The following APOL6 variants were observed in gnomAD, a reference collection of about 807,000 sequenced individuals.
APOL6 encodes apolipoprotein L, 6.
In APOL6, 1 loss-of-function variant was observed where a neutral mutation model predicts 2.4. The observed-to-expected ratio is 0.41, with a 90% confidence interval of 0.15 to 1.94. The LOEUF (loss-of-function observed/expected upper bound fraction) is 1.94, where lower values mean the gene tolerates loss of function less well. APOL6 is among the 30% of genes most tolerant of loss of function. The pLI, the probability that APOL6 is intolerant of heterozygous loss-of-function variation, is 0.30. For missense variants in APOL6, 438 were observed against 429.2 expected (o/e 1.02, Z -0.18); for synonymous variants, 189 against 169.3 (o/e 1.12, Z -0.90).
intron 1 of APOL6, among the ~76,000 whole-genome samples, chr22:35,652,158 G>A (rs1019728348): frequency 5.3e-5 from 8 of 152,140 alleles, no homozygotes; most frequent in African/African-American, 1.9e-4. Context: ...GTGATGATGA[G>A]CATTTTTTCA....
At position 35,659,919 on chromosome 22, in the gene APOL6, C is replaced by A; in HGVS notation, c.*323C>A. The A allele has an allele frequency of 3.8e-6, 1 of 260,480 alleles. No homozygotes were observed. Among genetic ancestry groups the A allele is most frequent in the Non-Finnish European group, 7.4e-6 (1 of 135,350 alleles). 16.1% of individuals were successfully genotyped at this position (260,480 alleles called of 1,614,324 possible). A position where few individuals can be genotyped will look rare whatever the true frequency, so the allele number is the denominator to read the frequency against. On this transcript the variant is annotated 3_prime_UTR_variant, in exon 3 of 3. Coordinates refer to ENST00000409652, the MANE Select transcript of APOL6 (RefSeq NM_030641.4). ...TAGCTGGGATTACAGGCACGCACCA[C>A]CACGCCCAGCTAATTTTGGTATTTT...
rs1484947252 is a variant in APOL6 at position 35,659,722 on chromosome 22, T to G, written c.*126T>G. On this transcript the variant is annotated 3_prime_UTR_variant, in exon 3 of 3. Transcript: ENST00000409652. Reference sequence around the variant, plus strand: ...CTTCTGTTTCTCCTTCAATGCTCCTTAAGGCCTATGTGCTGGGAAAAGGGT... The same window carrying G: ...CTTCTGTTTCTCCTTCAATGCTCCTGAAGGCCTATGTGCTGGGAAAAGGGT... 2.2e-5 allele frequency: 30 copies of G among 1,354,862 alleles called. No individual in the cohort carries two copies. Among genetic ancestry groups the G allele is most frequent in the Non-Finnish European group, 2.6e-5 (26 of 1,017,974 alleles). 83.9% of individuals were successfully genotyped at this position (1,354,862 alleles called of 1,614,324 possible).
Position 35,663,551 on chromosome 22 carries a change from C to G in APOL6, c.*3955C>G, listed in dbSNP as rs1194114669. ...TTTTTTCCTTTTACTTCTCAGTTGA[C>G]TGAATTCTGTTTTCACCGGATTTTT... On this transcript the variant is annotated 3_prime_UTR_variant, in exon 3 of 3. Coordinates refer to ENST00000409652, the MANE Select transcript of APOL6 (RefSeq NM_030641.4). 6.9e-6 allele frequency: 1 copy of G among 144,692 alleles called. No individual in the cohort carries two copies. The highest frequency in any genetic ancestry group is 7.0e-5 in the Admixed American group (1 of 14,358). 9.0% of individuals were successfully genotyped at this position (144,692 alleles called of 1,614,324 possible).
rs552576483 is a variant in APOL6, at chr22:35,649,540, G to A, written c.-48+917G>A. Among the ~76,000 whole-genome samples, 3 of 152,122 alleles carry A rather than the reference G, an allele frequency of 2.0e-5. No individual in the cohort carries two copies. The South Asian group carries it at 6.2e-4, about 32-fold the overall frequency. Reference sequence around the variant, plus strand: ...GTGTATCTGCAGAAGTTGGTTTTGTGGGGGAAGGCAGGTAAGGAAAGACTG... The same window carrying A: ...GTGTATCTGCAGAAGTTGGTTTTGTAGGGGAAGGCAGGTAAGGAAAGACTG... On this transcript the variant is annotated intron_variant, in intron 1 of 2. Coordinates refer to ENST00000409652, the MANE Select transcript of APOL6 (RefSeq NM_030641.4).
chr22:35,666,223 A>C lies in APOL6; in HGVS notation c.*6627A>C, dbSNP rs536181329. On this transcript the variant is annotated 3_prime_UTR_variant, in exon 3 of 3. Coordinates refer to ENST00000409652, the MANE Select transcript of APOL6 (RefSeq NM_030641.4). The stretch of plus-strand genomic sequence containing the variant: ...GTCTTTTGACTATGGCTGCCTTAAA[A>C]CTTTTTTCTTCCATGCACAATTGTT... 1 of 152,150 alleles carries C rather than the reference A, an allele frequency of 6.6e-6. No individual in the cohort carries two copies. The highest frequency in any genetic ancestry group is 2.4e-5 in the African/African-American group (1 of 41,514). 9.4% of individuals were successfully genotyped at this position (152,150 alleles called of 1,614,324 possible). A position where few individuals can be genotyped will look rare whatever the true frequency, so the allele number is the denominator to read the frequency against.
chr22:35,665,554 C>A lies in APOL6; in HGVS notation c.*5958C>A, dbSNP rs1318398315. ...CACTGATGCAAAATCAGTATATGGA[C>A]CCCTGTGTCTGATTAGCAAGGTTTT... On this transcript the variant is annotated 3_prime_UTR_variant, in exon 3 of 3. Transcript: ENST00000409652. 6.6e-6 allele frequency: 1 copy of A among 152,160 alleles called. No individual in the cohort carries two copies. Among genetic ancestry groups the A allele is most frequent in the Non-Finnish European group, 1.5e-5 (1 of 68,044 alleles). The allele number at this position is 152,160 out of a possible 1,614,324, so 9.4% of individuals were successfully genotyped here. A position where few individuals can be genotyped will look rare whatever the true frequency, so the allele number is the denominator to read the frequency against.
In APOL6 at chr22:35,652,355, C is replaced by T. The variant is rs371740706; in HGVS notation, c.-48+3732C>T. On this transcript the variant is annotated intron_variant, in intron 1 of 2. Coordinates refer to ENST00000409652, the MANE Select transcript of APOL6 (RefSeq NM_030641.4). ...TCTCCCATTCTGTAGGTTGCCTGTT[C>T]GCTCTGATGGTAGTTTCTTTTGCTG... 7.6e-4 allele frequency among the ~76,000 whole-genome samples: 116 copies of T among 151,734 alleles called. 1 individual carries two copies. Among genetic ancestry groups the T allele is most frequent in the African/African-American group, 2.3e-3 (94 of 41,388 alleles).
At position 35,658,731 on chromosome 22, in the gene APOL6, A is replaced by T; in HGVS notation, c.167A>T (p.Asn56Ile). 3 of 1,614,202 alleles carry T rather than the reference A, an allele frequency of 1.9e-6. No individual in the cohort carries two copies. The highest frequency in any genetic ancestry group is 2.5e-6 in the Non-Finnish European group (3 of 1,180,024). ...FPRLKEDLKGNIDKLRALADD... is the reference protein window; with the variant it reads ...FPRLKEDLKGIIDKLRALADD... ...AGATTGAAAGAAGATCTGAAAGGGA[A>T]CATTGACAAGCTCCGTGCCCTCGCA... The change falls in exon 3 of 3, where the codon AAC becomes ATC. Residue 56 changes from asparagine (N) to isoleucine (I), a missense_variant. Physicochemically the swap from Asn to Ile is moderately radical, Grantham distance 149. Transcript: ENST00000409652.
At position 35,663,880 on chromosome 22, in the gene APOL6, G is replaced by T. The variant is rs1426066748; in HGVS notation, c.*4284G>T. The T allele has an allele frequency of 6.6e-6, 1 of 152,066 alleles. No individual in the cohort carries two copies. Among genetic ancestry groups the T allele is most frequent in the East Asian group, 1.9e-4 (1 of 5,188 alleles). 9.4% of individuals were successfully genotyped at this position (152,066 alleles called of 1,614,324 possible). A position where few individuals can be genotyped will look rare whatever the true frequency, so the allele number is the denominator to read the frequency against. On this transcript the variant is annotated 3_prime_UTR_variant, in exon 3 of 3. Transcript: ENST00000409652. ...GGGGGGCATTATAAATCTATAAAAT[G>T]TACTTCTATTGGCATGCCTAATACG...
chr22:35,650,079 C>G (rs1924648646), intron 1 of APOL6, among the ~76,000 whole-genome samples: 1 of 152,190 alleles, frequency 6.6e-6, no homozygotes, highest in Admixed American at 6.5e-5. Flanking sequence ...CCCTATGTCT[C>G]AGTTTGCACC....
chr22:35,660,600 A>C lies in APOL6; in HGVS notation c.*1004A>C, dbSNP rs1924997237. On this transcript the variant is annotated 3_prime_UTR_variant, in exon 3 of 3. Transcript: ENST00000409652. ...AATACCTTAGACTGGGTAATTTACA[A>C]ACAACAGAGATGTATCCAGAGATCC... 1 of 152,280 alleles carries C rather than the reference A, an allele frequency of 6.6e-6. No homozygotes were observed. Among genetic ancestry groups the C allele is most frequent in the African/African-American group, 2.4e-5 (1 of 41,464 alleles). The allele number at this position is 152,280 out of a possible 1,614,324, so 9.4% of individuals were successfully genotyped here.
rs999544469 is a variant in APOL6 at position 35,662,942 on chromosome 22, CTCTT to C, written c.*3348_*3351del. 8 of 152,242 alleles carry C rather than the reference CTCTT, an allele frequency of 5.3e-5. No homozygotes were observed. Among genetic ancestry groups the C allele is most frequent in the Non-Finnish European group, 1.0e-4 (7 of 68,030 alleles). 9.4% of individuals were successfully genotyped at this position (152,242 alleles called of 1,614,324 possible). On this transcript the variant is annotated 3_prime_UTR_variant, in exon 3 of 3. Transcript: ENST00000409652. ...GGAAGTTTATTTTGCTGTACAACAC[CTCTT>C]TTTTTGGAGTTTTACTTGCTCCCAA... is the stretch of plus-strand genomic sequence containing the variant.
At chr22:35,649,280 C>G (rs373047491) in intron 1 of APOL6, among the ~76,000 whole-genome samples, 3 of 151,636 alleles carry the variant, frequency 2.0e-5, no homozygotes, top group Non-Finnish European at 2.9e-5. Flanking sequence ...TACAAAAAAT[C>G]AAAAAATAGC....
Position 35,659,237 on chromosome 22 carries a change from A to G in APOL6, c.673A>G (p.Thr225Ala), listed in dbSNP as rs576893978. ...RVQVQKAFAGTTLAMTKNARV... is the reference protein window; with the variant it reads ...RVQVQKAFAGATLAMTKNARV... ...GCAGGTGCAAAAGGCCTTTGCGGGA[A>G]CAACACTGGCGATGACCAAAAATGC... is the stretch of plus-strand genomic sequence containing the variant. The change falls in exon 3 of 3, where the codon ACA (threonine) becomes GCA (alanine). Residue 225 changes from threonine to alanine, a missense_variant. Transcript: ENST00000409652. The G allele has an allele frequency of 1.2e-6, 2 of 1,614,198 alleles. No homozygotes were observed. The highest frequency in any genetic ancestry group is 1.7e-6 in the Non-Finnish European group (2 of 1,180,022).
In APOL6 at chr22:35,666,727, T is replaced by G. The variant is rs1925194994; in HGVS notation, c.*7131T>G. 6.6e-6 allele frequency: 1 copy of G among 152,170 alleles called. No individual in the cohort carries two copies. The allele number at this position is 152,170 out of a possible 1,614,324, so 9.4% of individuals were successfully genotyped here. A position where few individuals can be genotyped will look rare whatever the true frequency, so the allele number is the denominator to read the frequency against. On this transcript the variant is annotated 3_prime_UTR_variant, in exon 3 of 3. Coordinates refer to ENST00000409652, the MANE Select transcript of APOL6 (RefSeq NM_030641.4). ...TGGAGAGCTAAAATGTTCATGAGTA[T>G]CAAGCAGAACAGGAATTAACTGCAT...
rs1367814348 is a variant in APOL6 at position 35,664,079 on chromosome 22, A to G, written c.*4483A>G. 1 of 152,220 alleles carries G rather than the reference A, an allele frequency of 6.6e-6. No homozygotes were observed. The highest frequency in any genetic ancestry group is 2.4e-5 in the African/African-American group (1 of 41,464). 9.4% of individuals were successfully genotyped at this position (152,220 alleles called of 1,614,324 possible). A position where few individuals can be genotyped will look rare whatever the true frequency, so the allele number is the denominator to read the frequency against. The stretch of plus-strand genomic sequence containing the variant: ...ACTTAAGTAAAATCTTTAATAAATA[A>G]AGTAGCTTTAAAATTATTGGTAAAG... On this transcript the variant is annotated 3_prime_UTR_variant, in exon 3 of 3. Coordinates refer to ENST00000409652, the MANE Select transcript of APOL6 (RefSeq NM_030641.4).
Position 35,663,955 on chromosome 22 carries a change from T to C in APOL6, c.*4359T>C, listed in dbSNP as rs769198754. Reference sequence around the variant, plus strand: ...GTACACGATGTTTTAGTGCTAAAAATATGTAAAAGAGCTCTACTTGGCTTA... The same window carrying C: ...GTACACGATGTTTTAGTGCTAAAAACATGTAAAAGAGCTCTACTTGGCTTA... On this transcript the variant is annotated 3_prime_UTR_variant, in exon 3 of 3. Coordinates refer to ENST00000409652, the MANE Select transcript of APOL6 (RefSeq NM_030641.4). 2 of 152,160 alleles carry C rather than the reference T, an allele frequency of 1.3e-5. No individual in the cohort carries two copies. Among genetic ancestry groups the C allele is most frequent in the Non-Finnish European group, 2.9e-5 (2 of 68,012 alleles). The allele number at this position is 152,160 out of a possible 1,614,324, so 9.4% of individuals were successfully genotyped here.
At chr22:35,657,683 C>T (rs1389427164) in intron 2 of APOL6, among the ~76,000 whole-genome samples, 1 of 152,178 alleles carries the variant, frequency 6.6e-6, no homozygotes, top group Non-Finnish European at 1.5e-5. Context: ...GGAGGTGGCC[C>T]AGATCCTCTC....
At position 35,665,831 on chromosome 22, in the gene APOL6, A is replaced by C. The variant is rs1925163865; in HGVS notation, c.*6235A>C. ...AATAAATGACTTTACGATGACCTGT[A>C]ATTTTATTTTGTAATGTCAAGTGTT... On this transcript the variant is annotated 3_prime_UTR_variant, in exon 3 of 3. Transcript: ENST00000409652. The C allele has an allele frequency of 6.6e-6, 1 of 152,188 alleles. No individual in the cohort carries two copies. Among genetic ancestry groups the C allele is most frequent in the Non-Finnish European group, 1.5e-5 (1 of 68,032 alleles). 9.4% of individuals were successfully genotyped at this position (152,188 alleles called of 1,614,324 possible).
Sources: allele counts gnomAD v4.1 joint callset (sites outside exome capture counted in the v4.1 genomes callset), GRCh38; gene constraint gnomAD v4.1.1; transcripts MANE v1.5; gene names NCBI Gene and HGNC (gene_info 2026-07-23, HGNC 2026-07-21).